SUPT3H: variants seen among roughly 807,000 people sequenced by gnomAD.
SUPT3H encodes SPT3 homolog, SAGA and STAGA complex component.
A neutral mutation model predicts 44.3 loss-of-function variants in SUPT3H; 44 were observed. The ratio of observed to expected loss-of-function variants is 0.99; its 90% CI spans 0.78 to 1.28. SUPT3H has a LOEUF of 1.28. SUPT3H is among the 50% of genes most tolerant of loss of function. The pLI is 0.00. For missense variants in SUPT3H, 380 were observed against 387.1 expected (o/e 0.98, Z 0.15); for synonymous variants, 124 against 125.6 (o/e 0.99, Z 0.09).
At chr6:45,197,734 G>A (rs762904105) in intron 2 of SUPT3H, 2 of 217,498 alleles carry the variant, frequency 9.2e-6, no homozygotes, top group South Asian at 6.8e-5. Context: ...ACATGTATTG[G>A]GACCTAAAAA....
intron 3 of SUPT3H, among the ~76,000 whole-genome samples, chr6:45,050,928 A>C (rs2153536023): frequency 8.2e-6 from 1 of 122,346 alleles, no homozygotes; most frequent in East Asian, 2.7e-4. Context: ...TCTGTAGCCC[A>C]GGCTGGAGTG....
At chr6:45,076,951 T>C (rs762564892) in intron 3 of SUPT3H, among the ~76,000 whole-genome samples, 1 of 152,184 alleles carries the variant, frequency 6.6e-6, no homozygotes, top group Non-Finnish European at 1.5e-5. Flanking sequence ...TATGGTTTGG[T>C]AGTTTTTTAA....
chr6:44,829,666 G>T lies in SUPT3H; in HGVS notation c.*150C>A. The T allele has an allele frequency of 1.3e-6, 1 of 784,014 alleles. No individual in the cohort carries two copies. Among genetic ancestry groups the T allele is most frequent in the East Asian group, 2.6e-5 (1 of 38,848 alleles). The allele number at this position is 784,014 out of a possible 1,614,324, so 48.6% of individuals were successfully genotyped here. ...GACCGATGGTTGAGGGGCTGGAAAAGAGGAGGAGTCAGCAAGTTGAAAGTC... is the reference window on the plus strand; with the variant it reads ...GACCGATGGTTGAGGGGCTGGAAAATAGGAGGAGTCAGCAAGTTGAAAGTC... On this transcript the variant is annotated 3_prime_UTR_variant, in exon 11 of 11. Coordinates refer to ENST00000371459, the MANE Select transcript of SUPT3H (RefSeq NM_003599.4).
At chr6:44,820,564 G>T (rs1255473749) in intron 11 of SUPT3H, among the ~76,000 whole-genome samples, 6 of 152,180 alleles carry the variant, frequency 3.9e-5, no homozygotes, top group African/African-American at 1.4e-4. Flanking sequence ...ATTAAGTACT[G>T]ATCAGTCATT....
rs1554162590 is a variant in SUPT3H, at chr6:44,909,142, C to CGCGT, written c.912+23510_912+23511insACGC. ...CCTAAGAGGTGTGTGTGTGTGTGTG[C>CGCGT]GTGTGTGTGTGTGTGTGTGTGTGTG... On this transcript the variant is annotated intron_variant, in intron 10 of 10. Coordinates refer to ENST00000371459, the MANE Select transcript of SUPT3H (RefSeq NM_003599.4). Among the ~76,000 whole-genome samples the CGCGT allele has an allele frequency of 4.0e-3, 587 of 147,050 alleles. 7 individuals are homozygous for CGCGT. The highest frequency in any genetic ancestry group is 0.014 in the African/African-American group (565 of 39,848).
At chr6:45,132,787 G>A (rs1349408122) in intron 2 of SUPT3H, among the ~76,000 whole-genome samples, 1 of 152,112 alleles carries the variant, frequency 6.6e-6, no homozygotes, top group Non-Finnish European at 1.5e-5. Flanking sequence ...CCAGATTAGT[G>A]TTGGTCTAGA....
intron 2 of SUPT3H, among the ~76,000 whole-genome samples, chr6:45,106,917 A>C (rs116589751): frequency 6.6e-6 from 1 of 152,222 alleles, no homozygotes; most frequent in African/African-American, 2.4e-5. Flanking sequence ...CAACCAGCAA[A>C]TCATGTAACC....
intron 2 of SUPT3H, among the ~76,000 whole-genome samples, chr6:45,245,099 C>T (rs1771107172): frequency 6.6e-6 from 1 of 152,016 alleles, no homozygotes; most frequent in Admixed American, 6.6e-5. Context: ...TTGGTAAGAT[C>T]ATAAATATTT....
chr6:45,202,919 T>G (rs191524141), intron 2 of SUPT3H, among the ~76,000 whole-genome samples: 1 of 151,876 alleles, frequency 6.6e-6, no homozygotes, highest in African/African-American at 2.4e-5. Flanking sequence ...TGTGTGTGTG[T>G]ATATATATAT....
intron 2 of SUPT3H, among the ~76,000 whole-genome samples, chr6:45,229,748 T>C (rs938938896): frequency 4.9e-4 from 75 of 152,282 alleles, no homozygotes; most frequent in African/African-American, 1.6e-3. Context: ...ATGATAATGT[T>C]TGTTACATGC....
intron 2 of SUPT3H, among the ~76,000 whole-genome samples, chr6:45,317,745 A>C (rs764023473): frequency 1.6e-4 from 24 of 152,188 alleles, no homozygotes; most frequent in Non-Finnish European, 3.4e-4. Context: ...GCTAGAAGAA[A>C]ACAGAGGGGA....
intron 6 of SUPT3H, among the ~76,000 whole-genome samples, chr6:44,985,236 T>TA (rs757270952): frequency 2.1e-4 from 21 of 101,884 alleles, no homozygotes; most frequent in Non-Finnish European, 3.1e-4. Context: ...TAAAATAAAA[T>TA]AAATAAATAA....
At chr6:45,057,778 A>G (rs1316276964) in intron 3 of SUPT3H, among the ~76,000 whole-genome samples, 1 of 152,144 alleles carries the variant, frequency 6.6e-6, no homozygotes, top group Non-Finnish European at 1.5e-5. Flanking sequence ...TGGATTTGTG[A>G]AAGACTGCCA....
intron 2 of SUPT3H, among the ~76,000 whole-genome samples, chr6:45,227,685 C>T (rs977924262): frequency 1.3e-5 from 2 of 152,146 alleles, no homozygotes; most frequent in African/African-American, 2.4e-5. Flanking sequence ...ACAGGACACC[C>T]AACCCACCAG....
chr6:45,210,373 T>C (rs796241844), intron 2 of SUPT3H, among the ~76,000 whole-genome samples: 18 of 152,306 alleles, frequency 1.2e-4, no homozygotes, highest in African/African-American at 4.3e-4. Context: ...GCCCTATTGT[T>C]TCACTAAGCC....
chr6:44,939,451 A>G (rs950048939), intron 9 of SUPT3H, among the ~76,000 whole-genome samples: 3 of 151,958 alleles, frequency 2.0e-5, no homozygotes, highest in African/African-American at 4.8e-5. Context: ...ATATGCTAGT[A>G]GATTTGGTTT....
At chr6:45,265,106 CTTAA>C (rs1775039692) in intron 2 of SUPT3H, among the ~76,000 whole-genome samples, 1 of 151,928 alleles carries the variant, frequency 6.6e-6, no homozygotes, top group African/African-American at 2.4e-5. Flanking sequence ...TCAAGAAAAT[CTTAA>C]TTATTCAGAT....
At chr6:45,244,230 T>C (rs1770934336) in intron 2 of SUPT3H, among the ~76,000 whole-genome samples, 1 of 152,114 alleles carries the variant, frequency 6.6e-6, no homozygotes, top group Non-Finnish European at 1.5e-5. Flanking sequence ...GCCTCCGTAA[T>C]TCACCTATAG....
intron 2 of SUPT3H, among the ~76,000 whole-genome samples, chr6:45,224,543 C>G (rs1456566443): frequency 6.6e-6 from 1 of 152,096 alleles, no homozygotes; most frequent in Non-Finnish European, 1.5e-5. Flanking sequence ...TCATTCAAAA[C>G]TATACCCAAC....
Sources: gnomAD v4.1 joint callset for allele counts (sites outside exome capture counted in the v4.1 genomes callset) on GRCh38, gnomAD v4.1.1 for gene constraint, MANE v1.5 for transcripts, NCBI Gene and HGNC (gene_info 2026-07-23, HGNC 2026-07-21) for gene names.